Variants in MTRF1 observed in about 807,000 individuals in gnomAD.
The protein encoded by MTRF1 is mitochondrial translation release factor 1.
MTRF1 carries 51 observed loss-of-function variants against 62.9 expected under a neutral mutation model. The ratio of observed to expected loss-of-function variants is 0.81; its 90% CI spans 0.65 to 1.02. The LOEUF (loss-of-function observed/expected upper bound fraction) is 1.02, where lower values mean the gene tolerates loss of function less well. Ranked by LOEUF, MTRF1 falls within the 50% of genes least tolerant of loss-of-function variation. The pLI is 0.00. For missense variants in MTRF1, 446 were observed against 530.0 expected, an observed-to-expected ratio of 0.84 and a Z score of 1.56; for synonymous variants, 158 against 181.9, an observed-to-expected ratio of 0.87 and a Z score of 1.06.
the MTRF1 span, among the ~76,000 whole-genome samples, chr13:41,284,511 T>C: frequency 7.2e-6 from 1 of 139,154 alleles, no homozygotes; most frequent in African/African-American, 2.7e-5. Flanking sequence ...GCCACTGCAC[T>C]CCAGCCTGGG....
At chr13:41,248,446 G>C (rs1865827292) in intron 5 of MTRF1, among the ~76,000 whole-genome samples, 1 of 152,196 alleles carries the variant, frequency 6.6e-6, no homozygotes, top group African/African-American at 2.4e-5. Context: ...TGACTCTGCT[G>C]TCTGATGGTA....
At chr13:41,248,297 T>A (rs1357859060) in intron 5 of MTRF1, among the ~76,000 whole-genome samples, 3 of 152,232 alleles carry the variant, frequency 2.0e-5, no homozygotes, top group Non-Finnish European at 4.4e-5. Flanking sequence ...AATTTTTGTA[T>A]TTTTAGTAGA....
chr13:41,284,803 G>A, the MTRF1 span, among the ~76,000 whole-genome samples: 48 of 152,120 alleles, frequency 3.2e-4, no homozygotes, highest in Middle Eastern at 3.4e-3. Flanking sequence ...GCTGGCACCC[G>A]CCACCACAAC....
chr13:41,294,481 A>AT, the MTRF1 span, among the ~76,000 whole-genome samples: 1 of 152,026 alleles, frequency 6.6e-6, no homozygotes, highest in Non-Finnish European at 1.5e-5. Flanking sequence ...TATGAAAAAA[A>AT]TTTTTTGTCT....
chr13:41,274,692 A>ATAT, the MTRF1 span, among the ~76,000 whole-genome samples: 1,187 of 150,100 alleles, frequency 7.9e-3, 12 homozygotes, highest in African/African-American at 0.026. Flanking sequence ...AATAATAATA[A>ATAT]TATTATTTTT....
chr13:41,256,610 C>CA (rs753752280), intron 2 of MTRF1, among the ~76,000 whole-genome samples: 2 of 152,128 alleles, frequency 1.3e-5, no homozygotes, highest in African/African-American at 2.4e-5. Flanking sequence ...AGGCATGAGC[C>CA]ACCGCACCCG....
chr13:41,294,080 C>CAT, the MTRF1 span, among the ~76,000 whole-genome samples: 6 of 151,810 alleles, frequency 4.0e-5, no homozygotes, highest in African/African-American at 7.3e-5. Context: ...ATAAAGAGTA[C>CAT]ATATATATAC....
At chr13:41,275,402 A>G in the MTRF1 span, among the ~76,000 whole-genome samples, 6 of 151,614 alleles carry the variant, frequency 4.0e-5, no homozygotes, top group Admixed American at 6.6e-5. Flanking sequence ...GGGTTTCACC[A>G]TGTTAGCCAG....
the MTRF1 span, among the ~76,000 whole-genome samples, chr13:41,307,852 G>A: frequency 6.6e-6 from 1 of 152,204 alleles, no homozygotes. Flanking sequence ...TAATACAAAA[G>A]GTATGTGTGT....
the MTRF1 span, among the ~76,000 whole-genome samples, chr13:41,284,188 A>T: frequency 6.6e-6 from 1 of 152,054 alleles, no homozygotes; most frequent in Non-Finnish European, 1.5e-5. Flanking sequence ...CAAAAAAATT[A>T]AAAGTTAGCT....
chr13:41,309,203 T>G, the MTRF1 span, among the ~76,000 whole-genome samples: 33 of 152,152 alleles, frequency 2.2e-4, no homozygotes, highest in East Asian at 3.3e-3. Flanking sequence ...TTTTTTTTTT[T>G]GAGGCAGTTT....
chr13:41,254,728 G>T (rs2039495506), intron 2 of MTRF1, 108 bp from the exon 3 acceptor site: 1 of 721,254 alleles, frequency 1.4e-6, no homozygotes, highest in East Asian at 2.7e-5. Flanking sequence ...AGTTGCAAAG[G>T]CAAGGGATTA....
chr13:41,275,972 C>A, the MTRF1 span, among the ~76,000 whole-genome samples: 1 of 152,096 alleles, frequency 6.6e-6, no homozygotes, highest in Non-Finnish European at 1.5e-5. Flanking sequence ...CCATTGTACG[C>A]AATTTGCATT....
chr13:41,233,757 C>A, intron 7 of MTRF1, 133 bp downstream of exon 7: 1 of 716,144 alleles, frequency 1.4e-6, no homozygotes, highest in Non-Finnish European at 2.4e-6. Context: ...CAATAGCCAT[C>A]CTGATCCACA....
chr13:41,260,772 T>G lies in MTRF1; in HGVS notation c.136A>C (p.Arg46=), dbSNP rs1048229234. 6.2e-7 allele frequency: 1 copy of G among 1,614,242 alleles called. No homozygotes were observed. ...DTRLQVFRQN[R]NCILHLLSKN... ...CTTAACAGATGAAGAATGCAATTCC[T>G]GTTTTGTCTAAAAACTTGCAGCCTT... Residue 46 remains arginine (R), a synonymous_variant, in exon 2 of 10, where the codon AGG becomes CGG. Coordinates refer to ENST00000379480, the MANE Select transcript of MTRF1 (RefSeq NM_004294.4).
chr13:41,271,335 A>C, the MTRF1 span, among the ~76,000 whole-genome samples: 4 of 152,206 alleles, frequency 2.6e-5, no homozygotes, highest in Non-Finnish European at 5.9e-5. Flanking sequence ...CATTTTACAT[A>C]AACTCTGGCA....
chr13:41,242,947 G>A (rs545811182), intron 5 of MTRF1, among the ~76,000 whole-genome samples: 2 of 152,154 alleles, frequency 1.3e-5, no homozygotes, highest in African/African-American at 2.4e-5. Flanking sequence ...ATGGTCAGGC[G>A]CTGTGGCTCA....
At chr13:41,306,994 C>T in the MTRF1 span, among the ~76,000 whole-genome samples, 1 of 151,724 alleles carries the variant, frequency 6.6e-6, no homozygotes, top group Non-Finnish European at 1.5e-5. Flanking sequence ...CCAGACTAAA[C>T]AGGAAGTCAG....
chr13:41,298,661 G>A, the MTRF1 span, among the ~76,000 whole-genome samples: 7,948 of 152,306 alleles, frequency 0.052, 276 homozygotes, highest in Non-Finnish European at 0.073. Flanking sequence ...GGGATTATAA[G>A]CTCAAACATT....
Sources: allele counts gnomAD v4.1 joint callset (sites outside exome capture counted in the v4.1 genomes callset), GRCh38; gene constraint gnomAD v4.1.1; transcripts MANE v1.5; gene names NCBI Gene and HGNC (gene_info 2026-07-23, HGNC 2026-07-21).